The following FAM110A variants were observed in gnomAD, a reference collection of about 807,000 sequenced individuals.
FAM110A encodes the protein protein FAM110A.
Under a neutral mutation model 4.0 loss-of-function variants are expected in FAM110A, and 1 was observed. That is an observed-to-expected ratio of 0.25 (90% CI 0.09 to 1.20). The LOEUF is 1.20. Among genes scored for constraint, FAM110A ranks in the 50% most tolerant of loss-of-function variants. The pLI, the probability that FAM110A is intolerant of heterozygous loss-of-function variation, is 0.50. For missense variants in FAM110A, 436 were observed against 429.2 expected, an observed-to-expected ratio of 1.02 and a Z score of -0.14; for synonymous variants, 217 against 196.8, an observed-to-expected ratio of 1.10 and a Z score of -0.86.
Position 845,289 on chromosome 20 carries a change from C to T in FAM110A, c.485C>T (p.Ser162Leu). 2.6e-6 allele frequency: 4 copies of T among 1,509,882 alleles called. No individual in the cohort carries two copies. The highest frequency in any genetic ancestry group is 2.7e-6 in the Non-Finnish European group (3 of 1,131,518). 93.5% of individuals were successfully genotyped at this position (1,509,882 alleles called of 1,614,324 possible). ...RRVDVRPLPASPARPCPSPGP... is the reference protein window; with the variant it reads ...RRVDVRPLPALPARPCPSPGP... ...GTGGACGTCCGCCCCCTGCCCGCCT[C>T]GCCTGCCCGGCCCTGCCCATCACCC... Residue 162 changes from serine to leucine, a missense_variant, in exon 2 of 2, where the codon TCG becomes TTG. Transcript: ENST00000381941.
chr20:839,684 C>T lies in FAM110A; in HGVS notation c.-97-5024C>T, dbSNP rs545090760. 82 of 1,234,448 alleles carry T rather than the reference C, an allele frequency of 6.6e-5. 1 individual carries two copies. The highest frequency in any genetic ancestry group is 4.8e-4 in the South Asian group (40 of 83,056). 76.5% of individuals were successfully genotyped at this position (1,234,448 alleles called of 1,614,324 possible). On this transcript the variant is annotated intron_variant, in intron 1 of 1. Coordinates refer to ENST00000381941, the MANE Select transcript of FAM110A (RefSeq NM_001042353.3). ...GGTGTAGGGTGGCAGGAACAATCTC[C>T]GGGGGCAGATGTAGGGTGGCAGGAA...
intron 1 of FAM110A, among the ~76,000 whole-genome samples, chr20:837,054 T>TTTG (rs1979615940): frequency 7.2e-6 from 1 of 139,844 alleles, no homozygotes. Flanking sequence ...TGTTTTTTTT[T>TTTG]TTTTTTTTTT....
rs779283317 is a variant in FAM110A, at chr20:840,559, A to T, written c.-97-4149A>T. 6.6e-6 allele frequency among the ~76,000 whole-genome samples: 1 copy of T among 152,088 alleles called. No individual in the cohort carries two copies. The highest frequency in any genetic ancestry group is 1.5e-5 in the Non-Finnish European group (1 of 68,024). On this transcript the variant is annotated intron_variant, in intron 1 of 1. Transcript: ENST00000381941. The surrounding 1 kb of genome is among the most constrained non-coding windows in gnomAD (Gnocchi z 4.4). ...GATTTAAATGAGTATGGTGCCTGGC[A>T]CCCCAAAATTCTAGTTATTGTTGTT... is the stretch of plus-strand genomic sequence containing the variant.
Position 845,916 on chromosome 20 carries a change from C to T in FAM110A, c.*224C>T. 1.1e-6 allele frequency: 1 copy of T among 876,260 alleles called. No homozygotes were observed. Among genetic ancestry groups the T allele is most frequent in the East Asian group, 2.9e-5 (1 of 34,896 alleles). 54.3% of individuals were successfully genotyped at this position (876,260 alleles called of 1,614,324 possible). Reference sequence around the variant, plus strand: ...TGGACACCTGAGAACCCCCTCCTCCCCTCCCCCAATACAAGGTTTTTGACA... The same window carrying T: ...TGGACACCTGAGAACCCCCTCCTCCTCTCCCCCAATACAAGGTTTTTGACA... On this transcript the variant is annotated 3_prime_UTR_variant, in exon 2 of 2. Coordinates refer to ENST00000381941, the MANE Select transcript of FAM110A (RefSeq NM_001042353.3).
At position 845,798 on chromosome 20, in the gene FAM110A, C is replaced by T. The variant is rs1378703747; in HGVS notation, c.*106C>T. ...TAGACGGCCGTGTCAGAGGCTCCAC[C>T]CTGTTGTGAACTTGGTATGGAGGCA... is the stretch of plus-strand genomic sequence containing the variant. On this transcript the variant is annotated 3_prime_UTR_variant, in exon 2 of 2. Coordinates refer to ENST00000381941, the MANE Select transcript of FAM110A (RefSeq NM_001042353.3). 4 of 1,516,474 alleles carry T rather than the reference C, an allele frequency of 2.6e-6. No individual in the cohort carries two copies. The highest frequency in any genetic ancestry group is 2.6e-6 in the Non-Finnish European group (3 of 1,132,380). 93.9% of individuals were successfully genotyped at this position (1,516,474 alleles called of 1,614,324 possible).
intron 1 of FAM110A, among the ~76,000 whole-genome samples, chr20:835,084 A>C (rs1351674093): frequency 6.6e-6 from 1 of 151,974 alleles, no homozygotes; most frequent in Non-Finnish European, 1.5e-5. Context: ...ATCAAGACTG[A>C]AACTAACGTT....
rs1177325522 is a variant in FAM110A at position 845,917 on chromosome 20, C to G, written c.*225C>G. 7.0e-6 allele frequency: 6 copies of G among 859,166 alleles called. No homozygotes were observed. Among genetic ancestry groups the G allele is most frequent in the Non-Finnish European group, 1.1e-5 (6 of 569,690 alleles). The allele number at this position is 859,166 out of a possible 1,614,324, so 53.2% of individuals were successfully genotyped here. ...GGACACCTGAGAACCCCCTCCTCCC[C>G]TCCCCCAATACAAGGTTTTTGACAT... On this transcript the variant is annotated 3_prime_UTR_variant, in exon 2 of 2. Transcript: ENST00000381941.
chr20:845,451 C>A lies in FAM110A; in HGVS notation c.647C>A (p.Ala216Glu), dbSNP rs186542417. 26 of 1,613,594 alleles carry A rather than the reference C, an allele frequency of 1.6e-5. No individual in the cohort carries two copies. The highest frequency in any genetic ancestry group is 3.3e-5 in the Admixed American group (2 of 60,014). ...FNFCGLDPEE[A>E]RGLGVAHLAR... ...TTCTGCGGCCTGGACCCGGAGGAGGCGAGAGGGTTGGGTGTGGCCCACCTG... is the reference window on the plus strand; with the variant it reads ...TTCTGCGGCCTGGACCCGGAGGAGGAGAGAGGGTTGGGTGTGGCCCACCTG... Residue 216 changes from alanine to glutamate, a missense_variant, in exon 2 of 2, where the codon GCG becomes GAG. Coordinates refer to ENST00000381941, the MANE Select transcript of FAM110A (RefSeq NM_001042353.3).
chr20:839,180 A>C (rs1979736000), intron 1 of FAM110A, among the ~76,000 whole-genome samples: 1 of 152,030 alleles, frequency 6.6e-6, no homozygotes, highest in Non-Finnish European at 1.5e-5. Flanking sequence ...TCCCCTCCCC[A>C]GATGTGAGCC....
Position 845,725 on chromosome 20 carries a change from G to GT in FAM110A, c.*33_*34insT. 6.2e-7 allele frequency: 1 copy of GT among 1,612,832 alleles called. No homozygotes were observed. The highest frequency in any genetic ancestry group is 8.5e-7 in the Non-Finnish European group (1 of 1,179,566). Reference sequence around the variant, plus strand: ...TGGGCCTGGAATTCGCCACAGGACGGATCTTACAGAGGCAAGTGGTCCCTG... The same window carrying GT: ...TGGGCCTGGAATTCGCCACAGGACGGTATCTTACAGAGGCAAGTGGTCCCTG... On this transcript the variant is annotated 3_prime_UTR_variant, in exon 2 of 2. Transcript: ENST00000381941.
In FAM110A at chr20:834,023, T is replaced by C. The variant is rs187961460; in HGVS notation, c.-98+72T>C. The C allele has an allele frequency of 7.9e-5, 12 of 152,448 alleles. No individual in the cohort carries two copies. In the East Asian group the frequency reaches 2.3e-3, roughly 29 times the overall value. The allele number at this position is 152,448 out of a possible 1,614,324, so 9.4% of individuals were successfully genotyped here. On this transcript the variant is annotated intron_variant, in intron 1 of 1. Coordinates refer to ENST00000381941, the MANE Select transcript of FAM110A (RefSeq NM_001042353.3). The surrounding 1 kb of genome is among the most constrained non-coding windows in gnomAD (Gnocchi z 5.6). Reference sequence around the variant, plus strand: ...CGTTCCCCGAGCGTCTGCTGTCTGCTTTCTCCCCGCGTCGTACCTGCGTGT... The same window carrying C: ...CGTTCCCCGAGCGTCTGCTGTCTGCCTTCTCCCCGCGTCGTACCTGCGTGT...
intron 1 of FAM110A, among the ~76,000 whole-genome samples, chr20:835,399 C>T (rs1039591168): frequency 6.6e-6 from 1 of 152,128 alleles, no homozygotes; most frequent in Non-Finnish European, 1.5e-5. Flanking sequence ...ATGGTGCACT[C>T]AGGCCTGGGC....
At chr20:835,207 TATATATACACACACAC>T (rs752393983) in intron 1 of FAM110A, among the ~76,000 whole-genome samples, 14 of 148,650 alleles carry the variant, frequency 9.4e-5, no homozygotes, top group Admixed American at 4.7e-4. Flanking sequence ...TCTCTATATA[TATATATACACACACAC>T]ATATATACAC....
chr20:837,042 A>ATT (rs1979608979), intron 1 of FAM110A, among the ~76,000 whole-genome samples: 2 of 107,916 alleles, frequency 1.9e-5, no homozygotes, highest in African/African-American at 7.2e-5. Context: ...GTGACTCTGC[A>ATT]TTGTTTTTTT....
At chr20:838,841 A>T (rs1298117675) in intron 1 of FAM110A, among the ~76,000 whole-genome samples, 3 of 134,202 alleles carry the variant, frequency 2.2e-5, no homozygotes, top group Non-Finnish European at 4.7e-5. Context: ...TTTTTTTGAG[A>T]CAGAGTCTTG....
rs377389888 is a variant in FAM110A, at chr20:842,015, C to G, written c.-97-2693C>G. Reference sequence around the variant, plus strand: ...TCGAAATCTTCTTGAAGACCAGGAGCCTGGTTCGTGGCTCCGCCTTTTTGC... The same window carrying G: ...TCGAAATCTTCTTGAAGACCAGGAGGCTGGTTCGTGGCTCCGCCTTTTTGC... On this transcript the variant is annotated intron_variant, in intron 1 of 1. Transcript: ENST00000381941. Among the ~76,000 whole-genome samples, 667 of 152,356 alleles carry G rather than the reference C, an allele frequency of 4.4e-3. 6 individuals are homozygous for G. Among genetic ancestry groups the G allele is most frequent in the African/African-American group, 0.015 (606 of 41,598 alleles).
chr20:842,983 A>G (rs985639358), intron 1 of FAM110A, among the ~76,000 whole-genome samples: 6 of 150,424 alleles, frequency 4.0e-5, no homozygotes, highest in African/African-American at 1.5e-4. Context: ...AAAATAGCCA[A>G]CCCCCGCCCC....
Position 845,100 on chromosome 20 carries a change from G to T in FAM110A, c.296G>T (p.Arg99Leu), listed in dbSNP as rs374393104. 4.9e-5 allele frequency: 78 copies of T among 1,594,660 alleles called. No individual in the cohort carries two copies. The highest frequency in any genetic ancestry group is 6.0e-5 in the Non-Finnish European group (70 of 1,172,084). The stretch of plus-strand genomic sequence containing the variant: ...CGAGCCCTGCCTGGCCCCTGCCGAC[G>T]GCCCCAGCTGGACCTGGACATCCTC... Reference protein sequence around the residue: ...SRRALPGPCRRPQLDLDILSS... With the variant: ...SRRALPGPCRLPQLDLDILSS... Residue 99 changes from arginine to leucine, a missense_variant, in exon 2 of 2, where the codon CGG (arginine) becomes CTG (leucine). Coordinates refer to ENST00000381941, the MANE Select transcript of FAM110A (RefSeq NM_001042353.3).
rs546559323 is a variant in FAM110A at position 846,055 on chromosome 20, G to C, written c.*363G>C. 4.1e-4 allele frequency: 110 copies of C among 266,340 alleles called. 4 individuals are homozygous for C. The South Asian group carries it at 5.1e-3, about 12-fold the overall frequency. The allele number at this position is 266,340 out of a possible 1,614,324, so 16.5% of individuals were successfully genotyped here. The stretch of plus-strand genomic sequence containing the variant: ...TCAATCCTGTCTCCCCAGCGGCTCT[G>C]TTTCCTCCTTCCTTCCTTGGCCTCT... On this transcript the variant is annotated 3_prime_UTR_variant, in exon 2 of 2. Transcript: ENST00000381941.
Sources: gnomAD v4.1 joint callset for allele counts (sites outside exome capture counted in the v4.1 genomes callset) on GRCh38, gnomAD v4.1.1 for gene constraint, Gnocchi (gnomAD v3.1) non-coding constraint, MANE v1.5 for transcripts, NCBI Gene and HGNC (gene_info 2026-07-23, HGNC 2026-07-21) for gene names.